Variants in CEP85 observed in about 807,000 individuals in gnomAD.
CEP85 encodes the protein centrosomal protein of 85 kDa.
CEP85 carries 58 observed loss-of-function variants against 93.7 expected under a neutral mutation model. The ratio of observed to expected loss-of-function variants is 0.62; its 90% CI spans 0.50 to 0.77. The LOEUF is 0.77. Ranked by LOEUF, CEP85 falls within the 30% of genes least tolerant of loss-of-function variation. The pLI is 0.00. For missense variants in CEP85, 868 were observed against 922.0 expected (o/e 0.94, Z 0.76); for synonymous variants, 314 against 338.6 (o/e 0.93, Z 0.80).
At position 26,276,720 on chromosome 1, in the gene CEP85, G is replaced by C. The variant is rs143625617; in HGVS notation, c.2088G>C (p.Gln696His). 3.7e-6 allele frequency: 6 copies of C among 1,614,016 alleles called. No individual in the cohort carries two copies. The African/African-American group carries it at 6.7e-5, about 18-fold the overall frequency. Residue 696 changes from glutamine to histidine, a missense_variant, in exon 13 of 14, where the codon CAG becomes CAC. Coordinates refer to ENST00000451429, the MANE Select transcript of CEP85 (RefSeq NM_001319944.2). ...AVCSIVTQRA[Q>H]GHDPNLSLLL... The stretch of plus-strand genomic sequence containing the variant: ...GTAGCATTGTGACCCAGAGGGCCCA[G>C]GGCCATGACCCCAATCTCTCCCTGC...
intron 4 of CEP85, 67 bp downstream of exon 4, chr1:26,255,932 T>C: frequency 3.6e-6 from 5 of 1,386,606 alleles, no homozygotes. Context: ...ATAGCTTTTG[T>C]CCTTTGAATT....
chr1:26,254,493 G>T (rs989675700), intron 3 of CEP85: 2 of 152,114 alleles, frequency 1.3e-5, no homozygotes, highest in African/African-American at 4.8e-5. Flanking sequence ...TAAAATAGAG[G>T]ATTTCAGTGT....
chr1:26,234,261 GCAGT>G lies in CEP85; in HGVS notation c.-66_-63del, dbSNP rs1167131532. On this transcript the variant is annotated 5_prime_UTR_variant, in exon 1 of 14. Coordinates refer to ENST00000451429, the MANE Select transcript of CEP85 (RefSeq NM_001319944.2). ...ACCGCTCACCGCAGACGTGGTGGCTGCAGTCAGTCTTCCCGAGTGAGGGATTTCG... is the reference window on the plus strand; with the variant it reads ...ACCGCTCACCGCAGACGTGGTGGCTGCAGTCTTCCCGAGTGAGGGATTTCG... 1 of 152,290 alleles carries G rather than the reference GCAGT, an allele frequency of 6.6e-6. No homozygotes were observed. The highest frequency in any genetic ancestry group is 1.5e-5 in the Non-Finnish European group (1 of 68,086). The allele number at this position is 152,290 out of a possible 1,614,324, so 9.4% of individuals were successfully genotyped here.
At chr1:26,235,903 ATACT>A (rs1195830910) in intron 1 of CEP85, among the ~76,000 whole-genome samples, 7 of 152,198 alleles carry the variant, frequency 4.6e-5, no homozygotes, top group African/African-American at 1.7e-4. Context: ...TAGGGGAAAA[ATACT>A]TACGGCAGTC....
chr1:26,244,296 A>G lies in CEP85; in HGVS notation c.186A>G (p.Thr62=), dbSNP rs746057005. The G allele has an allele frequency of 1.2e-5, 19 of 1,614,050 alleles. 1 individual carries two copies. The South Asian group carries it at 1.5e-4, about 13-fold the overall frequency. The change falls in exon 3 of 14, where the codon ACA becomes ACG. Residue 62 remains threonine (T), a synonymous_variant. Transcript: ENST00000451429. The stretch of plus-strand genomic sequence containing the variant: ...ACAGTGGGGACACAGCCATTGGTAC[A>G]TCATGCTCAGATATTGCGGAGGGTA... The part of the protein sequence containing the change: ...VADSGDTAIG[T]SCSDIAEDFC...
chr1:26,243,079 A>AT (rs1557648727), intron 2 of CEP85, among the ~76,000 whole-genome samples: 3 of 151,372 alleles, frequency 2.0e-5, no homozygotes, highest in Non-Finnish European at 4.4e-5. Context: ...CTTGATCTCA[A>AT]TAGGATTCAC....
intron 8 of CEP85, 60 bp from the exon 9 acceptor site, chr1:26,269,400 A>T: frequency 2.0e-6 from 3 of 1,535,490 alleles, no homozygotes; most frequent in Non-Finnish European, 2.7e-6. Flanking sequence ...CCGAGGAACA[A>T]GCATTTTGCA....
Position 26,277,946 on chromosome 1 carries a change from C to G in CEP85, c.*653C>G, listed in dbSNP as rs1260834783. On this transcript the variant is annotated 3_prime_UTR_variant, in exon 14 of 14. Coordinates refer to ENST00000451429, the MANE Select transcript of CEP85 (RefSeq NM_001319944.2). ...ATGCCATTTAACAAGAGATCCCACT[C>G]TCCAGCTGCCTTGTGTCCCTAGGGT... The G allele has an allele frequency of 6.5e-6, 1 of 152,792 alleles. No individual in the cohort carries two copies. The highest frequency in any genetic ancestry group is 1.9e-4 in the East Asian group (1 of 5,194). 9.5% of individuals were successfully genotyped at this position (152,792 alleles called of 1,614,324 possible). A position where few individuals can be genotyped will look rare whatever the true frequency, so the allele number is the denominator to read the frequency against.
intron 9 of CEP85, 134 bp downstream of exon 9, chr1:26,269,748 T>C: frequency 1.6e-6 from 1 of 613,144 alleles, no homozygotes; most frequent in South Asian, 2.3e-5. Context: ...TTCTTTGGAC[T>C]GTGAATAATA....
intron 4 of CEP85, among the ~76,000 whole-genome samples, chr1:26,257,088 G>A (rs2089719056): frequency 1.3e-5 from 2 of 152,066 alleles, no homozygotes; most frequent in South Asian, 4.2e-4. Flanking sequence ...ATGCCACCAC[G>A]CCTGGCTAAT....
chr1:26,275,283 G>GTTT (rs369648487), intron 12 of CEP85, among the ~76,000 whole-genome samples: 8 of 140,662 alleles, frequency 5.7e-5, no homozygotes, highest in Middle Eastern at 3.7e-3. Flanking sequence ...ACCTAGGAAG[G>GTTT]TTTTTTTTTT....
chr1:26,242,729 C>T (rs748273814), intron 2 of CEP85, among the ~76,000 whole-genome samples: 1 of 152,056 alleles, frequency 6.6e-6, no homozygotes, highest in Non-Finnish European at 1.5e-5. Context: ...TCTGTAGAAC[C>T]GTATTTTCTG....
At chr1:26,261,587 G>A (rs1475661095) in intron 7 of CEP85, among the ~76,000 whole-genome samples, 1 of 151,758 alleles carries the variant, frequency 6.6e-6, no homozygotes, top group Non-Finnish European at 1.5e-5. Context: ...AAAAACAAAT[G>A]AAAAAATAAA....
chr1:26,262,900 C>T (rs2089833979), intron 7 of CEP85: 1 of 152,194 alleles, frequency 6.6e-6, no homozygotes, highest in African/African-American at 2.4e-5. Flanking sequence ...CCACACTGGG[C>T]TAAATTTTGT....
At chr1:26,249,689 C>T (rs778794515) in intron 3 of CEP85, among the ~76,000 whole-genome samples, 2 of 152,010 alleles carry the variant, frequency 1.3e-5, no homozygotes, top group Non-Finnish European at 2.9e-5. Context: ...TTGGTAATAG[C>T]TGAATCTACC....
chr1:26,238,507 A>G (rs2089367695), intron 1 of CEP85, among the ~76,000 whole-genome samples: 1 of 152,064 alleles, frequency 6.6e-6, no homozygotes, highest in African/African-American at 2.4e-5. Flanking sequence ...AATTGTCCCA[A>G]ACTCTTTTGG....
chr1:26,272,340 G>C, intron 11 of CEP85: 1 of 452,400 alleles, frequency 2.2e-6, no homozygotes, highest in Non-Finnish European at 4.0e-6. Flanking sequence ...AGAGGTTTCT[G>C]GAGATCCTGA....
In CEP85 at chr1:26,257,648, C is replaced by T. The variant is rs1284202334; in HGVS notation, c.955C>T (p.Pro319Ser). 6.2e-7 allele frequency: 1 copy of T among 1,614,170 alleles called. No homozygotes were observed. The highest frequency in any genetic ancestry group is 1.1e-5 in the South Asian group (1 of 91,082). The change falls in exon 5 of 14, where the codon CCC becomes TCC. Residue 319 changes from proline to serine, a missense_variant. Transcript: ENST00000451429. ...HHPAAFGPSLPILEPAQWISI... is the reference protein window; with the variant it reads ...HHPAAFGPSLSILEPAQWISI... Reference sequence around the variant, plus strand: ...TCCTGCTGCTTTTGGTCCTTCACTGCCCATCTTAGAGCCAGCACAGTGGAT... The same window carrying T: ...TCCTGCTGCTTTTGGTCCTTCACTGTCCATCTTAGAGCCAGCACAGTGGAT...
intron 9 of CEP85, among the ~76,000 whole-genome samples, chr1:26,270,056 G>A (rs2089951860): frequency 6.6e-6 from 1 of 152,126 alleles, no homozygotes; most frequent in Non-Finnish European, 1.5e-5. Context: ...GATTACAGGT[G>A]TGAGCCACCG....
Sources: gnomAD v4.1 joint callset for allele counts (sites outside exome capture counted in the v4.1 genomes callset) on GRCh38, gnomAD v4.1.1 for gene constraint, MANE v1.5 for transcripts, NCBI Gene and HGNC (gene_info 2026-07-23, HGNC 2026-07-21) for gene names.